NXPE2: variants seen among roughly 807,000 people sequenced by gnomAD.
The protein encoded by NXPE2 is NXPE family member 2.
In NXPE2, 34 loss-of-function variants were observed where a neutral mutation model predicts 34.4. The ratio of observed to expected loss-of-function variants is 0.99; its 90% CI spans 0.75 to 1.31. NXPE2 has a LOEUF of 1.31. NXPE2 is among the 40% of genes most tolerant of loss of function. NXPE2 has a pLI of 0.00. For synonymous variants in NXPE2, 235 were observed against 231.3 expected (o/e 1.02, Z -0.15); for missense variants, 649 against 672.5 (o/e 0.97, Z 0.39).
At chr11:114,635,424 A>G in the NXPE2 span, among the ~76,000 whole-genome samples, 1 of 151,256 alleles carries the variant, frequency 6.6e-6, no homozygotes, top group Non-Finnish European at 1.5e-5. Context: ...GGACAATTTG[A>G]CTTCCTCTTT....
At chr11:114,520,711 C>T in the NXPE2 span, among the ~76,000 whole-genome samples, 1 of 152,190 alleles carries the variant, frequency 6.6e-6, no homozygotes, top group African/African-American at 2.4e-5. Flanking sequence ...TACCAACTTA[C>T]ATTCCCACCA....
the NXPE2 span, among the ~76,000 whole-genome samples, chr11:114,619,416 C>T: frequency 6.6e-6 from 1 of 151,894 alleles, no homozygotes; most frequent in Non-Finnish European, 1.5e-5. Flanking sequence ...ATAAGTGTTG[C>T]CTCGTGGGTA....
intron 2 of NXPE2, among the ~76,000 whole-genome samples, chr11:114,695,972 T>A (rs550667063): frequency 1.3e-5 from 2 of 151,922 alleles, no homozygotes; most frequent in South Asian, 4.2e-4. Context: ...GAGCCGAGAT[T>A]GTGCCACTGC....
At chr11:114,621,284 C>T in the NXPE2 span, among the ~76,000 whole-genome samples, 89 of 151,974 alleles carry the variant, frequency 5.9e-4, no homozygotes, top group Middle Eastern at 3.2e-3. Flanking sequence ...CACTGTTATC[C>T]GGTGGATAAC....
At chr11:114,520,272 C>T in the NXPE2 span, among the ~76,000 whole-genome samples, 1 of 152,174 alleles carries the variant, frequency 6.6e-6, no homozygotes, top group Non-Finnish European at 1.5e-5. Context: ...TTCTCTTCCT[C>T]CCAGCCTGGA....
the NXPE2 span, among the ~76,000 whole-genome samples, chr11:114,810,634 T>G: frequency 6.6e-6 from 1 of 151,684 alleles, no homozygotes; most frequent in Non-Finnish European, 1.5e-5. Flanking sequence ...AAAACCACAA[T>G]GAGATACCAT....
chr11:114,781,815 C>T, the NXPE2 span, among the ~76,000 whole-genome samples: 15 of 152,116 alleles, frequency 9.9e-5, no homozygotes, highest in Non-Finnish European at 1.8e-4. Flanking sequence ...ATTTTGTTCC[C>T]ATGGGGTACA....
the NXPE2 span, among the ~76,000 whole-genome samples, chr11:114,483,325 A>C: frequency 6.6e-6 from 1 of 152,240 alleles, no homozygotes; most frequent in Admixed American, 6.5e-5. Context: ...GTAGTATTAC[A>C]TAGTGGTTAG....
chr11:114,623,111 G>A, the NXPE2 span, among the ~76,000 whole-genome samples: 1 of 151,310 alleles, frequency 6.6e-6, no homozygotes, highest in African/African-American at 2.4e-5. Context: ...TGGCGGATAA[G>A]CACTGTTACC....
the NXPE2 span, chr11:114,570,676 G>C: frequency 7.3e-6 from 2 of 275,164 alleles, no homozygotes; most frequent in African/African-American, 4.4e-5. Flanking sequence ...TAGGTGTCTT[G>C]ACTTCCCATT....
chr11:114,696,953 G>A (rs1446431673), intron 2 of NXPE2, among the ~76,000 whole-genome samples: 1 of 151,904 alleles, frequency 6.6e-6, no homozygotes, highest in Non-Finnish European at 1.5e-5. Context: ...TATAAATTAG[G>A]CACAGTAAGA....
At chr11:114,656,255 A>C in the NXPE2 span, among the ~76,000 whole-genome samples, 5 of 152,170 alleles carry the variant, frequency 3.3e-5, no homozygotes, top group Non-Finnish European at 4.4e-5. Context: ...GAGAACTACA[A>C]GCCACTACTC....
the NXPE2 span, among the ~76,000 whole-genome samples, chr11:114,524,474 G>A: frequency 6.6e-6 from 1 of 152,118 alleles, no homozygotes. Flanking sequence ...TGGCAGAATT[G>A]GAAAGTGCAC....
At chr11:114,637,066 TAA>T in the NXPE2 span, among the ~76,000 whole-genome samples, 1 of 151,972 alleles carries the variant, frequency 6.6e-6, no homozygotes, top group Non-Finnish European at 1.5e-5. Context: ...AGTGGGGTGT[TAA>T]AGTCTCCCAT....
At chr11:114,683,483 C>T (rs1365861868) in intron 2 of NXPE2, among the ~76,000 whole-genome samples, 2 of 149,096 alleles carry the variant, frequency 1.3e-5, no homozygotes, top group African/African-American at 2.5e-5. Context: ...TGCAGTGGCA[C>T]GACCTCGGCT....
chr11:114,583,298 G>A, the NXPE2 span: 16 of 640,392 alleles, frequency 2.5e-5, no homozygotes, highest in South Asian at 6.5e-5. Flanking sequence ...TTACTACTAC[G>A]ATAGGGGTGT....
the NXPE2 span, among the ~76,000 whole-genome samples, chr11:114,595,246 T>A: frequency 6.6e-6 from 1 of 152,078 alleles, no homozygotes; most frequent in Non-Finnish European, 1.5e-5. Flanking sequence ...TCCTTTTCTG[T>A]TTTAGCAGGC....
chr11:114,577,411 G>A, the NXPE2 span, among the ~76,000 whole-genome samples: 4 of 151,962 alleles, frequency 2.6e-5, no homozygotes, highest in East Asian at 1.9e-4. Flanking sequence ...AAGGGTCAGC[G>A]TTGGCGAGGG....
chr11:114,522,338 C>A, the NXPE2 span: 6 of 1,613,912 alleles, frequency 3.7e-6, no homozygotes, highest in South Asian at 6.6e-5. Context: ...ACCTGATAGC[C>A]GGTCAATTTC....
Sources: allele counts gnomAD v4.1 joint callset (sites outside exome capture counted in the v4.1 genomes callset), GRCh38; gene constraint gnomAD v4.1.1; transcripts MANE v1.5; gene names NCBI Gene and HGNC (gene_info 2026-07-23, HGNC 2026-07-21).